Variants in FYB1 observed in about 807,000 individuals in gnomAD.
FYB1 encodes FYN-binding protein 1.
Under a neutral mutation model 94.1 loss-of-function variants are expected in FYB1, and 41 were observed. That is an observed-to-expected ratio of 0.44 (90% confidence interval 0.34 to 0.57). The LOEUF is 0.57. FYB1 is among the 20% of genes least tolerant of loss of function. FYB1 has a pLI of 0.02. For synonymous variants in FYB1, 367 were observed against 353.2 expected, an observed-to-expected ratio of 1.04 and a Z score of -0.44; for missense variants, 1,050 against 976.8, an observed-to-expected ratio of 1.07 and a Z score of -1.00.
rs553746455 is a variant in FYB1, at chr5:39,120,206, T to C, written c.2139-572A>G. Among the ~76,000 whole-genome samples, 3 of 151,674 alleles carry C rather than the reference T, an allele frequency of 2.0e-5. No individual in the cohort carries two copies. In the East Asian group the frequency reaches 5.8e-4, roughly 29 times the overall value. ...AAAAGATGGTTATTACTGATCTTTATCTTCATCCCTTTATCAATTGTGTGT... is the reference window on the plus strand; with the variant it reads ...AAAAGATGGTTATTACTGATCTTTACCTTCATCCCTTTATCAATTGTGTGT... On this transcript the variant is annotated intron_variant, in intron 14 of 18. Transcript: ENST00000512982.
At chr5:39,185,054 G>A (rs1298689099) in intron 2 of FYB1, among the ~76,000 whole-genome samples, 11 of 152,012 alleles carry the variant, frequency 7.2e-5, no homozygotes, top group Admixed American at 4.6e-4. Context: ...TGTTATTAGC[G>A]TTTATACTTT....
In FYB1 at chr5:39,138,664, CAT is replaced by C. The variant is rs1060505056; in HGVS notation, c.1385_1386del (p.Tyr462Ter). The C allele has an allele frequency of 6.6e-7, 1 of 1,520,224 alleles. No individual in the cohort carries two copies. The highest frequency in any genetic ancestry group is 2.3e-5 in the East Asian group (1 of 44,122). The allele number at this position is 1,520,224 out of a possible 1,614,324, so 94.2% of individuals were successfully genotyped here. On this transcript the variant is annotated frameshift_variant, in exon 6 of 19. Coordinates refer to ENST00000512982, the MANE Select transcript of FYB1 (RefSeq NM_001465.6). LOFTEE classifies it high-confidence loss of function. The stretch of plus-strand genomic sequence containing the variant: ...AAAAAATGTAATTCATACATGTCTT[CAT>C]ATGTTTCTCCTTCACTGTCTTGTTC... ...DEEQDSEGET[Y>X]EDIEASKERE... is the part of the protein sequence containing the mutation.
Position 39,202,414 on chromosome 5 carries a change from C to T in FYB1, c.547G>A (p.Ala183Thr), listed in dbSNP as rs751867180. ...GGCTTGGGTTCAAGATCTTGTGATG[C>T]TGACATAAATTTCCCTTTAACCCCA... ...LTGVKGKFMS[A>T]SQDLEPKPLF... The change falls in exon 2 of 19, where the codon GCA becomes ACA. Residue 183 changes from alanine (A) to threonine (T), a missense_variant. By Grantham distance (58) the Ala-to-Thr change is moderately conservative. Transcript: ENST00000512982. The T allele has an allele frequency of 3.1e-6, 5 of 1,613,788 alleles. No homozygotes were observed. Among genetic ancestry groups the T allele is most frequent in the Non-Finnish European group, 4.2e-6 (5 of 1,179,880 alleles).
chr5:39,172,481 G>T (rs1020717003), intron 2 of FYB1, among the ~76,000 whole-genome samples: 69 of 152,110 alleles, frequency 4.5e-4, no homozygotes, highest in African/African-American at 1.6e-3. Context: ...TTTAATTCTA[G>T]ATTAGAGGGT....
At chr5:39,163,327 A>G (rs1412353771) in intron 2 of FYB1, among the ~76,000 whole-genome samples, 1 of 152,256 alleles carries the variant, frequency 6.6e-6, no homozygotes, top group East Asian at 1.9e-4. Context: ...TAGGCAGCTT[A>G]GAACAGTCCA....
At chr5:39,186,452 C>G (rs72734771) in intron 2 of FYB1, among the ~76,000 whole-genome samples, 77 of 152,010 alleles carry the variant, frequency 5.1e-4, no homozygotes, top group Non-Finnish European at 9.0e-4. Flanking sequence ...AAAGGCAACA[C>G]TGAGAGAACA....
chr5:39,132,951 T>A (rs1741335003), intron 9 of FYB1, among the ~76,000 whole-genome samples: 1 of 152,220 alleles, frequency 6.6e-6, no homozygotes, highest in East Asian at 1.9e-4. Flanking sequence ...TTGACTAAAG[T>A]CAGTTAATGA....
chr5:39,155,880 C>T (rs1743702827), intron 2 of FYB1, among the ~76,000 whole-genome samples: 1 of 152,060 alleles, frequency 6.6e-6, no homozygotes, highest in Non-Finnish European at 1.5e-5. Context: ...ATAGAATAAA[C>T]ATTAAAAAGT....
intron 2 of FYB1, among the ~76,000 whole-genome samples, chr5:39,199,949 T>C (rs549333851): frequency 1.3e-5 from 2 of 152,334 alleles, no homozygotes; most frequent in African/African-American, 2.4e-5. Flanking sequence ...AATCCAGATA[T>C]CAAATGAGGT....
At chr5:39,173,362 T>C (rs1745431473) in intron 2 of FYB1, among the ~76,000 whole-genome samples, 1 of 152,208 alleles carries the variant, frequency 6.6e-6, no homozygotes, top group Non-Finnish European at 1.5e-5. Context: ...GATGCATAGT[T>C]TCTGAACATT....
At chr5:39,188,664 T>C (rs1340844110) in intron 2 of FYB1, among the ~76,000 whole-genome samples, 5 of 151,318 alleles carry the variant, frequency 3.3e-5, no homozygotes, top group African/African-American at 1.2e-4. Context: ...CCCAAGTAGC[T>C]GGGGTTACAG....
intron 6 of FYB1, 111 bp from the exon 7 acceptor site, chr5:39,137,831 T>G (rs1490739408): frequency 1.4e-6 from 2 of 1,418,276 alleles, no homozygotes; most frequent in Non-Finnish European, 1.9e-6. Flanking sequence ...TGAAGTACAG[T>G]TGAAGGTAAA....
chr5:39,186,221 C>G (rs184483642), intron 2 of FYB1, among the ~76,000 whole-genome samples: 10 of 152,110 alleles, frequency 6.6e-5, no homozygotes, highest in African/African-American at 2.2e-4. Flanking sequence ...GTCAAGAGAT[C>G]GAGACCATCT....
At chr5:39,176,179 C>T in intron 2 of FYB1, among the ~76,000 whole-genome samples, 1 of 117,700 alleles carries the variant, frequency 8.5e-6, no homozygotes, top group Admixed American at 1.1e-4. Flanking sequence ...AAGACAGAGT[C>T]TCACTCTGTC....
chr5:39,170,564 A>G (rs564374891), intron 2 of FYB1, among the ~76,000 whole-genome samples: 1 of 151,944 alleles, frequency 6.6e-6, no homozygotes, highest in African/African-American at 2.4e-5. Context: ...CCTCCATTTG[A>G]CCTCCCTTGT....
chr5:39,182,187 C>T (rs1032777585), intron 2 of FYB1, among the ~76,000 whole-genome samples: 2 of 152,166 alleles, frequency 1.3e-5, no homozygotes, highest in South Asian at 4.1e-4. Flanking sequence ...GCTTTCTCCT[C>T]ACTGCAACCT....
At chr5:39,158,164 C>A (rs1048433051) in intron 2 of FYB1, among the ~76,000 whole-genome samples, 1 of 152,164 alleles carries the variant, frequency 6.6e-6, no homozygotes, top group Non-Finnish European at 1.5e-5. Context: ...AAAAACAATT[C>A]TTAAAAATCT....
At chr5:39,214,639 A>C (rs1229829333) in intron 1 of FYB1, among the ~76,000 whole-genome samples, 1 of 152,196 alleles carries the variant, frequency 6.6e-6, no homozygotes, top group East Asian at 1.9e-4. Flanking sequence ...ACGAAACAAC[A>C]AGTATTGGCT....
rs547634110 is a variant in FYB1, at chr5:39,241,455, C to G, written c.-28+32948G>C. ...ATTCTGAGACTGTACATATTCACAT[C>G]AGCTTATTCCCCACCTTCCTGTGTA... On this transcript the variant is annotated intron_variant, in intron 1 of 1. Transcript: ENST00000510188. 3.3e-5 allele frequency among the ~76,000 whole-genome samples: 5 copies of G among 152,312 alleles called. No individual in the cohort carries two copies. In the East Asian group the frequency reaches 9.6e-4, roughly 29 times the overall value.
Sources: allele counts gnomAD v4.1 joint callset (sites outside exome capture counted in the v4.1 genomes callset), GRCh38; gene constraint gnomAD v4.1.1; transcripts MANE v1.5; gene names NCBI Gene and HGNC (gene_info 2026-07-23, HGNC 2026-07-21).